The following CREB5 variants were observed in gnomAD, a reference collection of about 807,000 sequenced individuals.
CREB5 encodes the protein cyclic AMP-responsive element-binding protein 5.
Under a neutral mutation model 57.1 loss-of-function variants are expected in CREB5, and 19 were observed. The ratio of observed to expected loss-of-function variants is 0.33; its 90% CI spans 0.23 to 0.49. The LOEUF (loss-of-function observed/expected upper bound fraction) is 0.49, where lower values mean the gene tolerates loss of function less well. Ranked by LOEUF, CREB5 falls within the 20% of genes least tolerant of loss-of-function variation. The probability of loss-of-function intolerance (pLI) is 0.99; values close to 1 mark genes in which losing one functional copy is unlikely to be tolerated. For synonymous variants in CREB5, 238 were observed against 238.3 expected, an observed-to-expected ratio of 1.00 and a Z score of 0.01; for missense variants, 579 against 671.6, an observed-to-expected ratio of 0.86 and a Z score of 1.52.
intron 7 of CREB5, among the ~76,000 whole-genome samples, chr7:28,736,756 G>A (rs995526696): frequency 1.3e-5 from 2 of 151,756 alleles, no homozygotes; most frequent in Non-Finnish European, 2.9e-5. Context: ...ACGCATGGAA[G>A]CAGTGACAAT....
intron 1 of CREB5, among the ~76,000 whole-genome samples, chr7:28,429,600 T>A (rs1470261394): frequency 6.6e-6 from 1 of 152,074 alleles, no homozygotes; most frequent in African/African-American, 2.4e-5. Flanking sequence ...TTTTGATAGG[T>A]AATATTTGAG....
At position 28,643,345 on chromosome 7, in the gene CREB5, A is replaced by G. The variant is rs1401843046; in HGVS notation, c.464+72808A>G. On this transcript the variant is annotated intron_variant, in intron 5 of 10. Coordinates refer to ENST00000357727, the MANE Select transcript of CREB5 (RefSeq NM_182898.4). Reference sequence around the variant, plus strand: ...TCCAAGGTCACCGACAGGGTGAATTATATGGGTCAAATTTCTAGGTGTCTG... The same window carrying G: ...TCCAAGGTCACCGACAGGGTGAATTGTATGGGTCAAATTTCTAGGTGTCTG... Among the ~76,000 whole-genome samples the G allele has an allele frequency of 2.0e-5, 3 of 152,182 alleles. No individual in the cohort carries two copies. In the East Asian group the frequency reaches 5.8e-4, roughly 29 times the overall value.
At chr7:28,560,901 C>CGTGCGCGTGCGTGTGT (rs1368518820) in intron 4 of CREB5, among the ~76,000 whole-genome samples, 1 of 21,650 alleles carries the variant, frequency 4.6e-5, no homozygotes, top group African/African-American at 1.4e-4. Flanking sequence ...TGTGTGCGTG[C>CGTGCGCGTGCGTGTGT]GCGCGTGCGT....
intron 5 of CREB5, among the ~76,000 whole-genome samples, chr7:28,661,744 C>T (rs933175032): frequency 6.6e-6 from 1 of 152,214 alleles, no homozygotes; most frequent in Admixed American, 6.5e-5. Flanking sequence ...ACAGCACACT[C>T]ATTTATTGTC....
intron 1 of CREB5, among the ~76,000 whole-genome samples, chr7:28,323,641 A>G (rs895962369): frequency 6.6e-6 from 1 of 152,144 alleles, no homozygotes; most frequent in Non-Finnish European, 1.5e-5. Flanking sequence ...TGTCTAGGGC[A>G]GTGAACCCCA....
chr7:28,578,458 G>C (rs1378722275), intron 5 of CREB5, among the ~76,000 whole-genome samples: 1 of 152,224 alleles, frequency 6.6e-6, no homozygotes, highest in Non-Finnish European at 1.5e-5. Flanking sequence ...AACATGTTAG[G>C]AGAAATTTGA....
intron 4 of CREB5, among the ~76,000 whole-genome samples, chr7:28,530,651 A>G (rs1272806925): frequency 6.6e-6 from 1 of 152,202 alleles, no homozygotes; most frequent in Admixed American, 6.5e-5. Context: ...CTGCTGAAGA[A>G]AACTTTACCC....
intron 1 of CREB5, among the ~76,000 whole-genome samples, chr7:28,454,220 T>C (rs1475825597): frequency 6.6e-6 from 1 of 152,196 alleles, no homozygotes; most frequent in Non-Finnish European, 1.5e-5. Context: ...CCCAAAGTGC[T>C]GGGTTTACAG....
intron 4 of CREB5, among the ~76,000 whole-genome samples, chr7:28,517,464 G>C (rs893695112): frequency 2.6e-5 from 4 of 152,206 alleles, no homozygotes; most frequent in African/African-American, 9.6e-5. Flanking sequence ...TACGATGACT[G>C]ATTTTAGTAT....
In CREB5 at chr7:28,631,432, C is replaced by T. The variant is rs2158903; in HGVS notation, c.464+60895C>T. Among the ~76,000 whole-genome samples the T allele has an allele frequency of 5.7e-3, 872 of 152,350 alleles. 2 individuals carry two copies. Among genetic ancestry groups the T allele is most frequent in the Non-Finnish European group, 7.8e-3 (533 of 68,042 alleles). ...GTTTCTTCATTTGTAAAAATGACCA[C>T]CTCCCAGGGTTATGGCATGAATTAT... On this transcript the variant is annotated intron_variant, in intron 5 of 10. Transcript: ENST00000357727.
At chr7:28,736,573 AG>A (rs1459936065) in intron 7 of CREB5, among the ~76,000 whole-genome samples, 2 of 152,182 alleles carry the variant, frequency 1.3e-5, no homozygotes, top group South Asian at 4.1e-4. Context: ...ACTGACGTAC[AG>A]GGGACAGTGC....
chr7:28,690,752 G>A (rs1801206984), intron 5 of CREB5, among the ~76,000 whole-genome samples: 1 of 152,156 alleles, frequency 6.6e-6, no homozygotes, highest in Admixed American at 6.5e-5. Flanking sequence ...TCTCCTCGCA[G>A]CAGTCCCTGC....
intron 4 of CREB5, among the ~76,000 whole-genome samples, chr7:28,509,522 C>G (rs940017038): frequency 6.6e-6 from 1 of 152,156 alleles, no homozygotes; most frequent in South Asian, 2.1e-4. Flanking sequence ...AAAACCTTTT[C>G]GAACATTGTG....
At chr7:28,664,411 A>G (rs1799730281) in intron 5 of CREB5, among the ~76,000 whole-genome samples, 1 of 152,184 alleles carries the variant, frequency 6.6e-6, no homozygotes, top group Admixed American at 6.6e-5. Flanking sequence ...GAAAAGATGA[A>G]AAATACATTT....
chr7:28,504,456 G>T (rs770171325), intron 3 of CREB5, among the ~76,000 whole-genome samples: 5 of 152,094 alleles, frequency 3.3e-5, no homozygotes, highest in Non-Finnish European at 7.4e-5. Flanking sequence ...GCCCTTGGGG[G>T]GTTTACAGGA....
intron 4 of CREB5, among the ~76,000 whole-genome samples, chr7:28,521,428 C>G (rs1793203782): frequency 6.6e-6 from 1 of 152,178 alleles, no homozygotes; most frequent in Admixed American, 6.5e-5. Flanking sequence ...TCCCAAGGCT[C>G]TTTAATGAGA....
intron 5 of CREB5, among the ~76,000 whole-genome samples, chr7:28,644,037 C>T (rs530859790): frequency 8.6e-5 from 13 of 151,578 alleles, no homozygotes; most frequent in African/African-American, 2.7e-4. Flanking sequence ...AGGATCCCCT[C>T]ACTGTACTCC....
At chr7:28,570,019 T>C (rs1795634122) in intron 4 of CREB5, among the ~76,000 whole-genome samples, 1 of 152,208 alleles carries the variant, frequency 6.6e-6, no homozygotes, top group Non-Finnish European at 1.5e-5. Flanking sequence ...ATCACAGTAT[T>C]ATGCACTTAC....
chr7:28,489,772 G>A (rs1791720669), intron 2 of CREB5, among the ~76,000 whole-genome samples: 1 of 152,172 alleles, frequency 6.6e-6, no homozygotes, highest in South Asian at 2.1e-4. Flanking sequence ...TTGTGTCAAT[G>A]TTTATTTCCA....
Sources: gnomAD v4.1 joint callset for allele counts (sites outside exome capture counted in the v4.1 genomes callset) on GRCh38, gnomAD v4.1.1 for gene constraint, MANE v1.5 for transcripts, NCBI Gene and HGNC (gene_info 2026-07-23, HGNC 2026-07-21) for gene names.